The following PDE4DIP variants were observed in gnomAD, a reference collection of about 807,000 sequenced individuals.
PDE4DIP encodes myomegalin.
In PDE4DIP, 59 loss-of-function variants were observed where a neutral mutation model predicts 221.4. The ratio of observed to expected loss-of-function variants is 0.27; its 90% CI spans 0.22 to 0.33. PDE4DIP has a LOEUF of 0.33. Ranked by LOEUF, PDE4DIP falls within the 10% of genes least tolerant of loss-of-function variation. PDE4DIP has a pLI of 1.00. For synonymous variants in PDE4DIP, 404 were observed against 815.9 expected (o/e 0.50, Z 8.60); for missense variants, 1,036 against 2,154.2 (o/e 0.48, Z 10.28).
chr1:149,003,959 A>G (rs1553587981), intron 26 of PDE4DIP, among the ~76,000 whole-genome samples: 3 of 150,206 alleles, frequency 2.0e-5, no homozygotes, highest in African/African-American at 7.3e-5. Context: ...TGATTATTAT[A>G]GAAATACTAA....
At chr1:149,018,135 C>G (rs2071335920) in intron 34 of PDE4DIP, among the ~76,000 whole-genome samples, 1 of 151,936 alleles carries the variant, frequency 6.6e-6, no homozygotes, top group Non-Finnish European at 1.5e-5. Flanking sequence ...GATGTCTGTG[C>G]CTTTGTTGTG....
intron 5 of PDE4DIP, among the ~76,000 whole-genome samples, chr1:148,948,736 C>T (rs1747906): frequency 0.33 from 49,095 of 149,494 alleles, 8,420 homozygotes; most frequent in Non-Finnish European, 0.37. Flanking sequence ...CAATGAGCTT[C>T]AACAATTCTA....
At chr1:148,953,121 C>G (rs1347659309) in intron 5 of PDE4DIP, 2 of 1,613,980 alleles carry the variant, frequency 1.2e-6, no homozygotes, top group Non-Finnish European at 1.7e-6. Context: ...GGGAATGGGA[C>G]GGTTGACATG....
intron 23 of PDE4DIP, among the ~76,000 whole-genome samples, chr1:149,001,189 T>A (rs1183877450): frequency 6.6e-6 from 1 of 152,268 alleles, no homozygotes; most frequent in Non-Finnish European, 1.5e-5. Flanking sequence ...AACTGACTGA[T>A]GATAAATAAT....
intron 1 of PDE4DIP, among the ~76,000 whole-genome samples, chr1:148,862,125 C>T (rs1684497715): frequency 7.0e-6 from 1 of 141,962 alleles, no homozygotes; most frequent in South Asian, 2.3e-4. Flanking sequence ...CTGAAAATTG[C>T]AATCCCCTCT....
At chr1:149,022,985 A>G (rs1553621475) in intron 37 of PDE4DIP, among the ~76,000 whole-genome samples, 1 of 152,296 alleles carries the variant, frequency 6.6e-6, no homozygotes, top group Non-Finnish European at 1.5e-5. Context: ...ATTTAGTGAG[A>G]AGTTGGGTTG....
At chr1:149,013,909 C>T (rs1575391291) in intron 32 of PDE4DIP, among the ~76,000 whole-genome samples, 1 of 151,596 alleles carries the variant, frequency 6.6e-6, no homozygotes, top group Non-Finnish European at 1.5e-5. Flanking sequence ...CACCTCAGCC[C>T]CCCAAGTAGC....
intron 23 of PDE4DIP, among the ~76,000 whole-genome samples, chr1:148,998,721 G>A (rs1221396671): frequency 1.4e-4 from 19 of 139,096 alleles, no homozygotes; most frequent in Middle Eastern, 3.8e-3. Context: ...AACAGTTCAC[G>A]AAGGAGGAGG....
At chr1:148,926,732 C>A in intron 1 of PDE4DIP, among the ~76,000 whole-genome samples, 1 of 152,026 alleles carries the variant, frequency 6.6e-6, no homozygotes, top group African/African-American at 2.4e-5. Flanking sequence ...ATTCCTTCAC[C>A]TCTATGAAGG....
chr1:149,021,893 A>G (rs587678378), intron 37 of PDE4DIP: 4 of 143,300 alleles, frequency 2.8e-5, no homozygotes, highest in African/African-American at 7.8e-5. Context: ...GAATTTTGAT[A>G]TATTTCTTCA....
chr1:148,989,066 A>C (rs1485487623), intron 21 of PDE4DIP: 1 of 217,276 alleles, frequency 4.6e-6, no homozygotes, highest in Non-Finnish European at 9.3e-6. Flanking sequence ...ATCACACAAG[A>C]GAAGTTCTCT....
At chr1:148,973,464 A>G (rs1553533622) in intron 16 of PDE4DIP, among the ~76,000 whole-genome samples, 3 of 152,016 alleles carry the variant, frequency 2.0e-5, no homozygotes, top group Non-Finnish European at 4.4e-5. Context: ...AGAACTAGCA[A>G]TGAATATTTT....
intron 1 of PDE4DIP, among the ~76,000 whole-genome samples, chr1:148,829,117 C>T (rs1671387847): frequency 6.9e-6 from 1 of 145,814 alleles, no homozygotes; most frequent in Non-Finnish European, 1.5e-5. Flanking sequence ...CTCCCTAGAC[C>T]TCCAGCCAGC....
At chr1:149,010,385 C>T (rs2068236849) in intron 30 of PDE4DIP, 58 bp from the exon 34 acceptor site, 1 of 1,543,318 alleles carries the variant, frequency 6.5e-7, no homozygotes, top group Non-Finnish European at 8.9e-7. Context: ...AACATAAGGC[C>T]AGGATTCCAG....
At chr1:149,000,581 T>TA (rs1375977629) in intron 23 of PDE4DIP, among the ~76,000 whole-genome samples, 5 of 151,728 alleles carry the variant, frequency 3.3e-5, no homozygotes, top group Non-Finnish European at 7.4e-5. Flanking sequence ...AAATAAAAAT[T>TA]AAAAAATCAC....
intron 20 of PDE4DIP, 100 bp downstream of exon 23, chr1:148,979,949 A>G: frequency 1.4e-6 from 2 of 1,434,514 alleles, no homozygotes; most frequent in Admixed American, 3.7e-5. Context: ...GCAGATGCTT[A>G]TGATACTGAA....
exon 12 of PDE4DIP, chr1:148,966,890 C>T (rs782345886): frequency 5.8e-6 from 9 of 1,551,448 alleles, no homozygotes; most frequent in Admixed American, 1.7e-5. Flanking sequence ...AAAAGAACTG[C>T]GCCAGCTTCG....
chr1:148,976,297 T>C (rs1439682199), intron 17 of PDE4DIP, among the ~76,000 whole-genome samples: 2 of 152,222 alleles, frequency 1.3e-5, no homozygotes, highest in Non-Finnish European at 2.9e-5. Context: ...TATGGATATG[T>C]GGTATCTACA....
intron 9 of PDE4DIP, among the ~76,000 whole-genome samples, chr1:148,963,139 A>G (rs1160814381): frequency 2.0e-5 from 3 of 152,176 alleles, no homozygotes; most frequent in African/African-American, 7.2e-5. Context: ...TGATCTGCCC[A>G]CCTTGGCCTC....
Sources: allele counts gnomAD v4.1 joint callset (sites outside exome capture counted in the v4.1 genomes callset), GRCh38; gene constraint gnomAD v4.1.1; transcripts MANE v1.5; gene names NCBI Gene and HGNC (gene_info 2026-07-23, HGNC 2026-07-21).